The following OBI1 variants were observed in gnomAD, a reference collection of about 807,000 sequenced individuals.
OBI1 encodes ring finger protein 219.
In OBI1, 59 loss-of-function variants were observed where a neutral mutation model predicts 62.4. The ratio of observed to expected loss-of-function variants is 0.95; its 90% CI spans 0.77 to 1.17. The LOEUF (loss-of-function observed/expected upper bound fraction) is 1.17. Ranked by LOEUF, OBI1 falls within the 50% of genes most tolerant of loss-of-function variation. OBI1 has a pLI of 0.00. For synonymous variants in OBI1, 302 were observed against 292.8 expected, an observed-to-expected ratio of 1.03 and a Z score of -0.32; for missense variants, 875 against 830.9, an observed-to-expected ratio of 1.05 and a Z score of -0.65.
intron 5 of OBI1, among the ~76,000 whole-genome samples, chr13:78,627,172 A>C (rs573329501): frequency 6.6e-6 from 1 of 152,330 alleles, no homozygotes; most frequent in East Asian, 1.9e-4. Context: ...GGTAGGCTAT[A>C]GAGAACATAC....
At chr13:78,619,732 G>C (rs1875449037) in intron 5 of OBI1, among the ~76,000 whole-genome samples, 1 of 152,130 alleles carries the variant, frequency 6.6e-6, no homozygotes, top group South Asian at 2.1e-4. Context: ...AAGGAGAGCA[G>C]GTAGTTTGTC....
intron 1 of OBI1, among the ~76,000 whole-genome samples, chr13:78,645,639 T>C (rs1048932037): frequency 3.6e-5 from 5 of 140,092 alleles, no homozygotes; most frequent in African/African-American, 1.1e-4. Context: ...GCACAAATAA[T>C]AATACCTTAC....
intron 5 of OBI1, among the ~76,000 whole-genome samples, chr13:78,621,681 T>C (rs1875517780): frequency 6.6e-6 from 1 of 152,168 alleles, no homozygotes; most frequent in Admixed American, 6.5e-5. Flanking sequence ...TTCAAGAAAT[T>C]CTAGATATGC....
intron 4 of OBI1, among the ~76,000 whole-genome samples, chr13:78,635,619 T>G (rs990712291): frequency 2.6e-5 from 4 of 152,222 alleles, no homozygotes; most frequent in Non-Finnish European, 4.4e-5. Flanking sequence ...TCTGGGGTGC[T>G]GTTTAAAAAT....
At chr13:78,658,322 A>G (rs536137401) in intron 1 of OBI1, among the ~76,000 whole-genome samples, 6 of 152,312 alleles carry the variant, frequency 3.9e-5, no homozygotes, top group Admixed American at 6.5e-5. Flanking sequence ...GAGGAGAGGA[A>G]TGCATTAGAA....
intron 1 of OBI1, among the ~76,000 whole-genome samples, chr13:78,651,664 C>T (rs1415776757): frequency 6.6e-6 from 1 of 152,150 alleles, no homozygotes; most frequent in African/African-American, 2.4e-5. Flanking sequence ...AATGCCACCT[C>T]CTCTGCAAGC....
chr13:78,623,411 G>T (rs926717417), intron 5 of OBI1, among the ~76,000 whole-genome samples: 20 of 152,050 alleles, frequency 1.3e-4, no homozygotes, highest in African/African-American at 4.8e-4. Context: ...ACAATTCATT[G>T]TTTACTTGGC....
chr13:78,638,125 G>C (rs1876083684), intron 4 of OBI1, among the ~76,000 whole-genome samples: 1 of 152,188 alleles, frequency 6.6e-6, no homozygotes, highest in Admixed American at 6.5e-5. Flanking sequence ...GCTAAAGGCT[G>C]ATCACTTGGG....
chr13:78,630,549 G>A (rs1196465206), intron 5 of OBI1, among the ~76,000 whole-genome samples: 5 of 152,116 alleles, frequency 3.3e-5, no homozygotes, highest in African/African-American at 7.2e-5. Context: ...GCCAATAGGA[G>A]GTGATGGTAT....
At chr13:78,645,265 G>T (rs1489626344) in intron 1 of OBI1, among the ~76,000 whole-genome samples, 1 of 151,782 alleles carries the variant, frequency 6.6e-6, no homozygotes, top group Non-Finnish European at 1.5e-5. Context: ...CAGAATTCAT[G>T]CCAAAAAGAA....
At chr13:78,643,069 T>C (rs1876267633) in intron 2 of OBI1, among the ~76,000 whole-genome samples, 1 of 152,222 alleles carries the variant, frequency 6.6e-6, no homozygotes, top group Non-Finnish European at 1.5e-5. Flanking sequence ...TCTGGTTACC[T>C]TCTTTGTATT....
chr13:78,615,960 A>G lies in OBI1; in HGVS notation c.1801T>C (p.Leu601=), dbSNP rs1875262281. ...GGTTTCCATTCACTTCCATTTTCTA[A>G]CTGATCATTAGTTAGAGAACCTTTG... ...LSKGSLTNDQ[L]ENGSEWKPTS... The change falls in exon 6 of 6, where the codon TTA becomes CTA. Residue 601 remains leucine, a synonymous_variant. Coordinates refer to ENST00000282003, the MANE Select transcript of OBI1 (RefSeq NM_024546.4). 1 of 1,613,710 alleles carries G rather than the reference A, an allele frequency of 6.2e-7. No individual in the cohort carries two copies. Among genetic ancestry groups the G allele is most frequent in the Admixed American group, 1.7e-5 (1 of 59,930 alleles).
At chr13:78,628,293 G>A (rs372541453) in intron 5 of OBI1, among the ~76,000 whole-genome samples, 1 of 152,166 alleles carries the variant, frequency 6.6e-6, no homozygotes, top group Non-Finnish European at 1.5e-5. Flanking sequence ...ATTAGTGTTC[G>A]GTCATATGGA....
At position 78,617,070 on chromosome 13, in the gene OBI1, G is replaced by A. The variant is rs758932717; in HGVS notation, c.691C>T (p.Arg231Cys). The A allele has an allele frequency of 1.7e-5, 27 of 1,606,634 alleles. No homozygotes were observed. The highest frequency in any genetic ancestry group is 2.0e-5 in the Non-Finnish European group (23 of 1,177,086). ...GCTTTCTTGAGGCGATTGGTTTCAC[G>A]CTCATACTGTTCTACTTTGGACTGA... ...ALQSKVEQYE[R>C]ETNRLKKALE... Residue 231 changes from arginine to cysteine, a missense_variant, in exon 6 of 6, where the codon CGT (arginine) becomes TGT (cysteine). Transcript: ENST00000282003.
At chr13:78,657,400 C>G (rs1490179394) in intron 1 of OBI1, among the ~76,000 whole-genome samples, 1 of 151,950 alleles carries the variant, frequency 6.6e-6, no homozygotes, top group Non-Finnish European at 1.5e-5. Flanking sequence ...TATGAAGACT[C>G]AAAGTCTTAG....
chr13:78,620,832 A>T lies in OBI1; in HGVS notation c.639-3710T>A, dbSNP rs146915612. Among the ~76,000 whole-genome samples, 163 of 152,352 alleles carry T rather than the reference A, an allele frequency of 1.1e-3. 1 individual carries two copies. Among genetic ancestry groups the T allele is most frequent in the African/African-American group, 3.7e-3 (155 of 41,586 alleles). ...AACAGGACGTGTTTGAAGAAAACAAATGTGGTAAAAGAATACCACACCTGA... is the reference window on the plus strand; with the variant it reads ...AACAGGACGTGTTTGAAGAAAACAATTGTGGTAAAAGAATACCACACCTGA... On this transcript the variant is annotated intron_variant, in intron 5 of 5. Transcript: ENST00000282003.
In OBI1 at chr13:78,635,120, A is replaced by T. The variant is rs559549536; in HGVS notation, c.628T>A (p.Ser210Thr). 8.1e-6 allele frequency: 13 copies of T among 1,601,528 alleles called. No homozygotes were observed. In the South Asian group the frequency reaches 1.4e-4, roughly 18 times the overall value. Residue 210 changes from serine (S) to threonine (T), a missense_variant, in exon 5 of 6, where the codon TCA becomes ACA. Ser to Thr is a moderately conservative substitution (Grantham distance 58). Coordinates refer to ENST00000282003, the MANE Select transcript of OBI1 (RefSeq NM_024546.4). ...LRLKAEVDNR[S>T]PQKFGRFAVA... ...GAGCAAAATACATACTTTTGAGGTG[A>T]TCTGTTATCAACTTCAGCCTTCAGT...
intron 1 of OBI1, among the ~76,000 whole-genome samples, chr13:78,649,532 A>T (rs1046342455): frequency 2.0e-5 from 3 of 152,224 alleles, no homozygotes; most frequent in Non-Finnish European, 4.4e-5. Context: ...AGGTTGAGAG[A>T]CAATGAAAGA....
intron 4 of OBI1, among the ~76,000 whole-genome samples, chr13:78,638,218 T>TAGAGGTTTGCCTTTTTCAC (rs1427821998): frequency 1.3e-5 from 2 of 152,156 alleles, no homozygotes; most frequent in Non-Finnish European, 2.9e-5. Flanking sequence ...CGAAAAATCC[T>TAGAGGTTTGCCTTTTTCAC]AGAGGTTTGC....
Sources: gnomAD v4.1 joint callset for allele counts (sites outside exome capture counted in the v4.1 genomes callset) on GRCh38, gnomAD v4.1.1 for gene constraint, MANE v1.5 for transcripts, NCBI Gene and HGNC (gene_info 2026-07-23, HGNC 2026-07-21) for gene names.